The following APC variants were observed in gnomAD, a reference collection of about 807,000 sequenced individuals.
APC encodes the protein adenomatous polyposis coli protein.
Under a neutral mutation model 247.0 loss-of-function variants are expected in APC, and 72 were observed. The observed-to-expected ratio is 0.29, with a 90% confidence interval of 0.24 to 0.35. APC has a LOEUF of 0.35. Ranked by LOEUF, APC falls within the 10% of genes least tolerant of loss-of-function variation. The pLI is 1.00. For missense variants in APC, 3,400 were observed against 3,360.7 expected (o/e 1.01, Z -0.29); for synonymous variants, 1,254 against 1,162.5 (o/e 1.08, Z -1.60).
chr5:112,843,461 A>G lies in APC; in HGVS notation c.7867A>G (p.Thr2623Ala), dbSNP rs1060503368. ...RKIKENEFSP[T>A]NSTSQTVSSG... ...AATAAAAGAAAATGAATTTTCTCCCACAAATAGTACTTCTCAGACCGTTTC... is the reference window on the plus strand; with the variant it reads ...AATAAAAGAAAATGAATTTTCTCCCGCAAATAGTACTTCTCAGACCGTTTC... The change falls in exon 16 of 16, where the codon ACA becomes GCA. Residue 2623 changes from threonine (T) to alanine (A), a missense_variant. Physicochemically the swap from Thr to Ala is moderately conservative, Grantham distance 58. Transcript: ENST00000257430. The surrounding 1 kb of genome is among the most constrained non-coding windows in gnomAD (Gnocchi z 4.8). 4.3e-6 allele frequency: 7 copies of G among 1,613,994 alleles called. No homozygotes were observed. The highest frequency in any genetic ancestry group is 4.2e-6 in the Non-Finnish European group (5 of 1,179,868).
intron 8 of APC, among the ~76,000 whole-genome samples, chr5:112,814,649 C>G (rs530119349): frequency 3.0e-4 from 46 of 152,288 alleles, no homozygotes; most frequent in African/African-American, 9.4e-4. Flanking sequence ...CATTTCCTAC[C>G]TGTGATCTCT....
chr5:112,738,858 A>G (rs1752646910), intron 1 of APC, among the ~76,000 whole-genome samples: 1 of 152,244 alleles, frequency 6.6e-6, no homozygotes, highest in African/African-American at 2.4e-5. Flanking sequence ...CACGAAAGTG[A>G]TGCTCAAATT....
intron 1 of APC, among the ~76,000 whole-genome samples, chr5:112,743,727 G>A (rs1038502554): frequency 3.3e-5 from 5 of 152,132 alleles, no homozygotes; most frequent in Non-Finnish European, 5.9e-5. Context: ...CACCAGTTCT[G>A]TGGGCGCTTT....
chr5:112,843,167 C>T lies in APC; in HGVS notation c.7573C>T (p.Arg2525Cys), dbSNP rs774952444. The T allele has an allele frequency of 3.2e-5, 52 of 1,613,274 alleles. No homozygotes were observed. The highest frequency in any genetic ancestry group is 8.8e-5 in the South Asian group (8 of 91,066). Residue 2525 changes from arginine to cysteine, a missense_variant, in exon 16 of 16, where the codon CGC becomes TGC. Transcript: ENST00000257430. The surrounding 1 kb of genome is among the most constrained non-coding windows in gnomAD (Gnocchi z 4.8). Reference protein sequence around the residue: ...IEYNDGRPAKRHDIARSHSES... With the variant: ...IEYNDGRPAKCHDIARSHSES... Reference sequence around the variant, plus strand: ...GTATAATGATGGAAGACCAGCAAAGCGCCATGATATTGCACGGTCTCATTC... The same window carrying T: ...GTATAATGATGGAAGACCAGCAAAGTGCCATGATATTGCACGGTCTCATTC...
chr5:112,827,405 G>C (rs1763815970), intron 12 of APC, among the ~76,000 whole-genome samples, 158 bp downstream of exon 12: 1 of 151,818 alleles, frequency 6.6e-6, no homozygotes, highest in Non-Finnish European at 1.5e-5. Flanking sequence ...TTACTCATTT[G>C]TTTGTCTTAT....
At position 112,842,120 on chromosome 5, in the gene APC, T is replaced by C. The variant is rs183468041; in HGVS notation, c.6526T>C (p.Leu2176=). ...RILKPGEKST[L]ETKKIESESK... ...TCTAAAACCAGGGGAGAAAAGTACA[T>C]TGGAAACTAAAAAGATAGAATCTGA... Residue 2176 remains leucine (L), a synonymous_variant, in exon 16 of 16, where the codon TTG becomes CTG. Transcript: ENST00000257430. The C allele has an allele frequency of 1.9e-4, 300 of 1,610,998 alleles. No homozygotes were observed. Among genetic ancestry groups the C allele is most frequent in the Admixed American group, 3.2e-4 (19 of 59,696 alleles).
intron 1 of APC, among the ~76,000 whole-genome samples, chr5:112,729,935 T>C (rs1268782952): frequency 6.6e-6 from 1 of 152,202 alleles, no homozygotes; most frequent in African/African-American, 2.4e-5. Context: ...GTTTTTCTGA[T>C]TTATTTTGCC....
intron 2 of APC, among the ~76,000 whole-genome samples, chr5:112,765,958 G>GCACC (rs1483120074): frequency 1.3e-5 from 2 of 152,150 alleles, no homozygotes; most frequent in Admixed American, 6.6e-5. Context: ...ACGCTTAAGA[G>GCACC]ACATGGATTC....
intron 2 of APC, among the ~76,000 whole-genome samples, chr5:112,758,386 G>A (rs1317084420): frequency 1.3e-5 from 2 of 152,126 alleles, no homozygotes; most frequent in Admixed American, 6.5e-5. Context: ...GTGTGCAGTG[G>A]GGCAATCTCG....
intron 1 of APC, among the ~76,000 whole-genome samples, chr5:112,716,678 C>G (rs1751189773): frequency 6.6e-6 from 1 of 152,046 alleles, no homozygotes; most frequent in South Asian, 2.1e-4. Context: ...TTGAGTATTT[C>G]CCTTGTAGTT....
At chr5:112,778,012 T>A (rs1399161075) in intron 5 of APC, 2 of 196,920 alleles carry the variant, frequency 1.0e-5, no homozygotes, top group East Asian at 1.4e-4. Context: ...GGTTCCCAAG[T>A]GTTGTCAACA....
rs2149901557 is a variant in APC, at chr5:112,839,493, A to C, written c.3899A>C (p.Asn1300Thr). The change falls in exon 16 of 16, where the codon AAT becomes ACT. Residue 1300 changes from asparagine to threonine, a missense_variant. Coordinates refer to ENST00000257430, the MANE Select transcript of APC (RefSeq NM_000038.6). The surrounding 1 kb of genome is among the most constrained non-coding windows in gnomAD (Gnocchi z 5.0). The part of the protein sequence containing the change: ...NQTTQEADSA[N>T]TLQIAEIKEK... ...ACGACACAGGAAGCAGATTCTGCTA[A>C]TACCCTGCAAATAGCAGAAATAAAA... is the stretch of plus-strand genomic sequence containing the variant. 1 of 1,614,248 alleles carries C rather than the reference A, an allele frequency of 6.2e-7. No individual in the cohort carries two copies. Among genetic ancestry groups the C allele is most frequent in the Non-Finnish European group, 8.5e-7 (1 of 1,180,034 alleles).
intron 2 of APC, among the ~76,000 whole-genome samples, chr5:112,762,084 C>T (rs903465401): frequency 6.6e-6 from 1 of 151,958 alleles, no homozygotes. Flanking sequence ...AAAATGTGAC[C>T]CAGGGACTTG....
At chr5:112,798,824 T>C (rs1195961806) in intron 7 of APC, among the ~76,000 whole-genome samples, 2 of 152,118 alleles carry the variant, frequency 1.3e-5, no homozygotes, top group African/African-American at 4.8e-5. Context: ...ATTGCCTGGG[T>C]TGGAATTCCA....
intron 1 of APC, chr5:112,738,213 GT>G: frequency 1.1e-6 from 1 of 942,396 alleles, no homozygotes; most frequent in Non-Finnish European, 1.3e-6. Context: ...AGGGGTTTTT[GT>G]TTTTATAATG....
At chr5:112,736,829 G>A (rs1360434030), upstream of APC, among the ~76,000 whole-genome samples, 3 of 152,124 alleles carry the variant, frequency 2.0e-5, no homozygotes, top group African/African-American at 7.2e-5. Context: ...CAGGAGAATC[G>A]CTTGAACCCG....
chr5:112,740,704 T>G lies in APC; in HGVS notation c.-19+2779T>G, dbSNP rs564018208. ...CCGTGCACAGCTAATTTTTATATTT[T>G]TTGTAGAGATGGGGTTTCACCATGT... On this transcript the variant is annotated intron_variant, in intron 1 of 15. Coordinates refer to ENST00000257430, the MANE Select transcript of APC (RefSeq NM_000038.6). 9.2e-4 allele frequency among the ~76,000 whole-genome samples: 140 copies of G among 151,976 alleles called. 1 individual carries two copies. In the Middle Eastern group the frequency reaches 0.014, roughly 15 times the overall value.
chr5:112,827,365 TA>T, intron 12 of APC, 118 bp downstream of exon 12: 1 of 1,153,438 alleles, frequency 8.7e-7, no homozygotes, highest in Non-Finnish European at 1.3e-6. Context: ...CAATGACTGA[TA>T]AAAACCTGTG....
chr5:112,763,351 A>G (rs1375702748), intron 2 of APC, among the ~76,000 whole-genome samples: 1 of 101,446 alleles, frequency 9.9e-6, no homozygotes, highest in Non-Finnish European at 2.0e-5. Context: ...TGATGACATC[A>G]TATTTTGCAG....
Sources: gnomAD v4.1 joint callset for allele counts (sites outside exome capture counted in the v4.1 genomes callset) on GRCh38, gnomAD v4.1.1 for gene constraint, Gnocchi (gnomAD v3.1) non-coding constraint, MANE v1.5 for transcripts, NCBI Gene and HGNC (gene_info 2026-07-23, HGNC 2026-07-21) for gene names.